Variants in ZDHHC20 observed in about 807,000 individuals in gnomAD.
ZDHHC20 encodes zDHHC palmitoyltransferase 20, also known as palmitoyltransferase ZDHHC20.
A neutral mutation model predicts 57.8 loss-of-function variants in ZDHHC20; 43 were observed. The observed-to-expected ratio is 0.74, with a 90% CI of 0.58 to 0.96. ZDHHC20 has a LOEUF of 0.96. Among genes scored for constraint, ZDHHC20 ranks in the 40% least tolerant of loss-of-function variants. ZDHHC20 has a pLI of 0.00. For synonymous variants in ZDHHC20, 157 were observed against 153.0 expected (o/e 1.03, Z -0.19); for missense variants, 391 against 441.1 (o/e 0.89, Z 1.02).
At chr13:21,410,963 G>C (rs566095801) in intron 4 of ZDHHC20, among the ~76,000 whole-genome samples, 1 of 152,310 alleles carries the variant, frequency 6.6e-6, no homozygotes, top group Non-Finnish European at 1.5e-5. Context: ...ACCCACTTTT[G>C]TGCTTGAAAC....
Position 21,459,175 on chromosome 13 carries a change from C to T in ZDHHC20, c.-4G>A, listed in dbSNP as rs1159894977. The T allele has an allele frequency of 1.3e-6, 2 of 1,595,050 alleles. No homozygotes were observed. The highest frequency in any genetic ancestry group is 1.7e-6 in the Non-Finnish European group (2 of 1,172,584). ...GCCACAGCGTCCAGGGCGCCATGTT[C>T]CGCTGGCGGCTGCCGAGCCCCGCGT... On this transcript the variant is annotated 5_prime_UTR_variant, in exon 1 of 13. Transcript: ENST00000400590.
chr13:21,456,184 T>C (rs896163489), intron 1 of ZDHHC20, among the ~76,000 whole-genome samples: 1 of 152,226 alleles, frequency 6.6e-6, no homozygotes, highest in African/African-American at 2.4e-5. Flanking sequence ...GGTGGGTGGA[T>C]TGCCTGAGGT....
Position 21,421,134 on chromosome 13 carries a change from T to C in ZDHHC20, c.176A>G (p.His59Arg), listed in dbSNP as rs891246940. 13 of 1,613,120 alleles carry C rather than the reference T, an allele frequency of 8.1e-6. No homozygotes were observed. Among genetic ancestry groups the C allele is most frequent in the Non-Finnish European group, 1.0e-5 (12 of 1,179,674 alleles). ...CCATACAAACATAACAAAGAACAGA[T>C]GGAAAGCCACAAGGTAAACAACGGT... Reference protein sequence around the residue: ...GKTVVYLVAFHLFFVMFVWSY... With the variant: ...GKTVVYLVAFRLFFVMFVWSY... The change falls in exon 3 of 13, where the codon CAT (histidine) becomes CGT (arginine). Residue 59 changes from histidine (H) to arginine (R), a missense_variant. This residue lies in a region of ZDHHC20 where 185 missense variants were observed against 188.0 expected (regional missense o/e 0.98). Coordinates refer to ENST00000400590, the MANE Select transcript of ZDHHC20 (RefSeq NM_001330059.2).
chr13:21,442,509 C>A (rs1363286591), intron 1 of ZDHHC20, among the ~76,000 whole-genome samples: 1 of 152,302 alleles, frequency 6.6e-6, no homozygotes, highest in East Asian at 1.9e-4. Context: ...AATCCCAGCA[C>A]TTTGGGAGGC....
Position 21,376,177 on chromosome 13 carries a change from G to A in ZDHHC20, c.*519C>T, listed in dbSNP as rs1872041813. 6.6e-6 allele frequency: 1 copy of A among 152,192 alleles called. No individual in the cohort carries two copies. The allele number at this position is 152,192 out of a possible 1,614,324, so 9.4% of individuals were successfully genotyped here. ...AGTATAAAATAGTAATTATAAATTAGCAAATACCCAATTTAAAAAAGCAGT... is the reference window on the plus strand; with the variant it reads ...AGTATAAAATAGTAATTATAAATTAACAAATACCCAATTTAAAAAAGCAGT... On this transcript the variant is annotated 3_prime_UTR_variant, in exon 13 of 13. Coordinates refer to ENST00000400590, the MANE Select transcript of ZDHHC20 (RefSeq NM_001330059.2).
At chr13:21,451,918 C>G (rs1234641134) in intron 1 of ZDHHC20, among the ~76,000 whole-genome samples, 1 of 150,630 alleles carries the variant, frequency 6.6e-6, no homozygotes, top group African/African-American at 2.5e-5. Flanking sequence ...CGTTTGAACT[C>G]AGGAGGCGGA....
At chr13:21,380,675 C>A (rs1367963979) in intron 11 of ZDHHC20, among the ~76,000 whole-genome samples, 1 of 151,440 alleles carries the variant, frequency 6.6e-6, no homozygotes, top group Non-Finnish European at 1.5e-5. Flanking sequence ...ACCTGTAGTC[C>A]CAGCTACTCG....
intron 7 of ZDHHC20, among the ~76,000 whole-genome samples, chr13:21,395,391 T>C (rs941599450): frequency 2.6e-4 from 39 of 151,244 alleles, no homozygotes; most frequent in African/African-American, 9.2e-4. Context: ...TTATTAAGTA[T>C]GTGACCTTCG....
At chr13:21,414,643 T>C (rs1419487625) in intron 3 of ZDHHC20, among the ~76,000 whole-genome samples, 1 of 151,532 alleles carries the variant, frequency 6.6e-6, no homozygotes, top group Non-Finnish European at 1.5e-5. Flanking sequence ...AGTGGTGGGA[T>C]TACAGGCGTG....
At chr13:21,393,855 A>G (rs1876286854) in intron 7 of ZDHHC20, among the ~76,000 whole-genome samples, 1 of 152,184 alleles carries the variant, frequency 6.6e-6, no homozygotes, top group African/African-American at 2.4e-5. Context: ...CTGGGCCTGC[A>G]GACACATTTC....
intron 7 of ZDHHC20, among the ~76,000 whole-genome samples, chr13:21,397,059 T>C (rs1176114258): frequency 6.6e-6 from 1 of 152,226 alleles, no homozygotes; most frequent in East Asian, 1.9e-4. Flanking sequence ...GTCCAATTTA[T>C]TGATCTTTTC....
intron 1 of ZDHHC20, among the ~76,000 whole-genome samples, chr13:21,426,209 CTT>C (rs1363315656): frequency 2.6e-5 from 4 of 152,208 alleles, no homozygotes; most frequent in African/African-American, 9.7e-5. Flanking sequence ...GTCTACCTCT[CTT>C]ATGTTTTCTT....
intron 4 of ZDHHC20, among the ~76,000 whole-genome samples, chr13:21,404,686 G>A (rs944884418): frequency 4.6e-5 from 7 of 151,800 alleles, no homozygotes; most frequent in East Asian, 1.9e-4. Context: ...CGCAGGAGGC[G>A]GAGCTTGCAG....
chr13:21,455,340 A>C (rs1374196024), intron 1 of ZDHHC20, among the ~76,000 whole-genome samples: 1 of 152,218 alleles, frequency 6.6e-6, no homozygotes, highest in Non-Finnish European at 1.5e-5. Context: ...ATCCACTAAC[A>C]AGATGACCTG....
chr13:21,383,208 G>A (rs1305940238), intron 9 of ZDHHC20, among the ~76,000 whole-genome samples, 199 bp from the exon 10 acceptor site: 1 of 152,152 alleles, frequency 6.6e-6, no homozygotes, highest in African/African-American at 2.4e-5. Flanking sequence ...ATCTTGAATT[G>A]TAGTTCCCAT....
intron 1 of ZDHHC20, among the ~76,000 whole-genome samples, chr13:21,431,095 C>T (rs1332837782): frequency 6.6e-6 from 1 of 152,118 alleles, no homozygotes; most frequent in South Asian, 2.1e-4. Flanking sequence ...TTCACCAAGC[C>T]TTTGGGTGGA....
At chr13:21,433,280 GC>G (rs1357551748) in intron 1 of ZDHHC20, among the ~76,000 whole-genome samples, 3 of 151,868 alleles carry the variant, frequency 2.0e-5, no homozygotes, top group Non-Finnish European at 4.4e-5. Flanking sequence ...ATTGTGTCTG[GC>G]CCATGTAAAT....
intron 4 of ZDHHC20, among the ~76,000 whole-genome samples, chr13:21,412,162 T>G (rs889142038): frequency 2.6e-5 from 4 of 152,202 alleles, no homozygotes; most frequent in Non-Finnish European, 5.9e-5. Context: ...GACCACTCTG[T>G]AGACGTGCAA....
chr13:21,436,693 C>A lies in ZDHHC20; in HGVS notation c.119-11015G>T, dbSNP rs1882583962. ...CCCTATTTCCGGAGACACAACAATA[C>A]TGCAATCAAGCCAATTAATAATCCT... On this transcript the variant is annotated intron_variant, in intron 1 of 12. Coordinates refer to ENST00000400590, the MANE Select transcript of ZDHHC20 (RefSeq NM_001330059.2). Among the ~76,000 whole-genome samples the A allele has an allele frequency of 2.0e-5, 3 of 152,218 alleles. 1 individual carries two copies. The highest frequency in any genetic ancestry group is 4.8e-5 in the African/African-American group (2 of 41,454).
Sources: allele counts gnomAD v4.1 joint callset (sites outside exome capture counted in the v4.1 genomes callset), GRCh38; gene constraint gnomAD v4.1.1; regional missense constraint gnomAD v4.1.1; transcripts MANE v1.5; gene names NCBI Gene and HGNC (gene_info 2026-07-23, HGNC 2026-07-21).